Variants in GALNT13 observed in about 807,000 individuals in gnomAD.
The protein encoded by GALNT13 is UDP-GalNAc:polypeptide N-acetylgalactosaminyltransferase 13.
A neutral mutation model predicts 64.2 loss-of-function variants in GALNT13; 28 were observed. The observed-to-expected ratio is 0.44, with a 90% CI of 0.32 to 0.60. GALNT13 has a LOEUF of 0.60. GALNT13 is among the 20% of genes least tolerant of loss of function. The pLI is 0.05. For synonymous variants in GALNT13, 214 were observed against 224.6 expected (o/e 0.95, Z 0.42); for missense variants, 577 against 669.8 (o/e 0.86, Z 1.53).
At chr2:154,023,993 T>C (rs554301531) in intron 3 of GALNT13, among the ~76,000 whole-genome samples, 5,129 of 152,250 alleles carry the variant, frequency 0.034, 121 homozygotes, top group Non-Finnish European at 0.048. Flanking sequence ...GGTTGAAAAT[T>C]CTTTTCTTTA....
At chr2:153,260,706 A>G in the GALNT13 span, among the ~76,000 whole-genome samples, 1 of 152,246 alleles carries the variant, frequency 6.6e-6, no homozygotes, top group South Asian at 2.1e-4. Flanking sequence ...TTGGTGTTCT[A>G]TAACCTTCTA....
chr2:154,226,962 C>A (rs1205367229), intron 4 of GALNT13, among the ~76,000 whole-genome samples: 1 of 151,958 alleles, frequency 6.6e-6, no homozygotes, highest in Admixed American at 6.6e-5. Context: ...TCACAAAGCC[C>A]CCATTTTTGC....
At chr2:154,199,361 G>A (rs751715305) in intron 4 of GALNT13, among the ~76,000 whole-genome samples, 5 of 151,958 alleles carry the variant, frequency 3.3e-5, no homozygotes, top group African/African-American at 7.2e-5. Flanking sequence ...AAATGTTTTA[G>A]GTTTAGTATT....
chr2:153,090,818 G>T, the GALNT13 span, among the ~76,000 whole-genome samples: 3 of 152,132 alleles, frequency 2.0e-5, no homozygotes, highest in South Asian at 2.1e-4. Flanking sequence ...AATGGGGAAT[G>T]GTTCTCAGGC....
intron 8 of GALNT13, among the ~76,000 whole-genome samples, chr2:154,269,906 G>GTGTGTATATATATATATATATATATATA (rs529424469): frequency 1.1e-4 from 11 of 96,860 alleles, no homozygotes; most frequent in Middle Eastern, 5.0e-3. Flanking sequence ...ATATATATGT[G>GTGTGTATATATATATATATATATATATA]TATATATATA....
chr2:153,192,567 A>G, the GALNT13 span, among the ~76,000 whole-genome samples: 1 of 152,108 alleles, frequency 6.6e-6, no homozygotes, highest in Non-Finnish European at 1.5e-5. Flanking sequence ...TTCTGTCTAG[A>G]TGATCTGTCT....
the GALNT13 span, among the ~76,000 whole-genome samples, chr2:153,155,700 T>C: frequency 6.6e-6 from 1 of 152,136 alleles, no homozygotes; most frequent in African/African-American, 2.4e-5. Flanking sequence ...TTTGAATGGT[T>C]TTTGTGTTGC....
At chr2:154,421,939 A>G (rs1574276546) in intron 11 of GALNT13, among the ~76,000 whole-genome samples, 2 of 152,104 alleles carry the variant, frequency 1.3e-5, no homozygotes, top group Admixed American at 6.6e-5. Flanking sequence ...ATAATGCTCT[A>G]CAGGAGGCAT....
the GALNT13 span, among the ~76,000 whole-genome samples, chr2:153,719,962 G>A: frequency 7.2e-5 from 11 of 152,034 alleles, no homozygotes; most frequent in Admixed American, 6.5e-4. Flanking sequence ...GCCCACCACA[G>A]CTCAAGGAGG....
the GALNT13 span, among the ~76,000 whole-genome samples, chr2:153,191,251 A>G: frequency 6.6e-6 from 1 of 151,088 alleles, no homozygotes; most frequent in African/African-American, 2.4e-5. Context: ...TCTTCCTTCT[A>G]TTCCTTGTTT....
chr2:153,975,758 T>C (rs976842027), intron 3 of GALNT13, among the ~76,000 whole-genome samples: 10 of 152,116 alleles, frequency 6.6e-5, no homozygotes, highest in Admixed American at 5.9e-4. Flanking sequence ...GCTTGGTGGC[T>C]ACAGTTCAGA....
chr2:153,946,514 C>T (rs146872620), intron 3 of GALNT13, among the ~76,000 whole-genome samples: 1 of 152,130 alleles, frequency 6.6e-6, no homozygotes, highest in East Asian at 1.9e-4. Context: ...ATTTTGGAGG[C>T]TGGGGATTCC....
rs949589872 is a variant in GALNT13, at chr2:153,920,795, C to G, written c.-105+19788C>G. Among the ~76,000 whole-genome samples, 4 of 151,616 alleles carry G rather than the reference C, an allele frequency of 2.6e-5. No individual in the cohort carries two copies. In the East Asian group the frequency reaches 7.8e-4, roughly 29 times the overall value. ...TTAAGTGTATGAACAAAAAAACAAC[C>G]CATTAAAAAGTGGGCAAACGACATG... On this transcript the variant is annotated intron_variant, in intron 2 of 12. Transcript: ENST00000392825.
At chr2:154,009,185 A>G (rs938618608) in intron 3 of GALNT13, among the ~76,000 whole-genome samples, 4 of 116,090 alleles carry the variant, frequency 3.4e-5, no homozygotes, top group Admixed American at 8.2e-5. Context: ...TTTTCTTTTC[A>G]ATTTGTAAAG....
At position 153,906,187 on chromosome 2, in the gene GALNT13, C is replaced by A. The variant is rs141072176; in HGVS notation, c.-105+5180C>A. Among the ~76,000 whole-genome samples, 677 of 150,304 alleles carry A rather than the reference C, an allele frequency of 4.5e-3. 4 individuals are homozygous for A. Among genetic ancestry groups the A allele is most frequent in the African/African-American group, 0.016 (644 of 40,942 alleles). ...CTTTTAGTTTCTCTTAATCCCATGT[C>A]TGGTTGTTTTTTTTTAATGTTGAGT... On this transcript the variant is annotated intron_variant, in intron 2 of 12. Coordinates refer to ENST00000392825, the MANE Select transcript of GALNT13 (RefSeq NM_052917.4).
At chr2:154,186,787 A>C (rs1245383391) in intron 4 of GALNT13, among the ~76,000 whole-genome samples, 1 of 152,126 alleles carries the variant, frequency 6.6e-6, no homozygotes, top group Non-Finnish European at 1.5e-5. Flanking sequence ...ATTTAGAAGA[A>C]TGTGTTGCAT....
the GALNT13 span, among the ~76,000 whole-genome samples, chr2:153,401,572 T>C: frequency 2.3e-4 from 34 of 150,822 alleles, no homozygotes; most frequent in Non-Finnish European, 4.1e-4. Flanking sequence ...AGTCTCTTTG[T>C]AGGTCACTCA....
chr2:154,069,136 G>C (rs1425168141), intron 3 of GALNT13, among the ~76,000 whole-genome samples: 3 of 151,890 alleles, frequency 2.0e-5, no homozygotes, highest in African/African-American at 7.3e-5. Context: ...TTCTATACTG[G>C]ATAAAAATAT....
At chr2:153,257,020 T>C in the GALNT13 span, among the ~76,000 whole-genome samples, 8 of 152,224 alleles carry the variant, frequency 5.3e-5, no homozygotes, top group Non-Finnish European at 8.8e-5. Context: ...CCTAATCAAG[T>C]CTGGGCAATG....
Sources: allele counts gnomAD v4.1 joint callset (sites outside exome capture counted in the v4.1 genomes callset), GRCh38; gene constraint gnomAD v4.1.1; transcripts MANE v1.5; gene names NCBI Gene and HGNC (gene_info 2026-07-23, HGNC 2026-07-21).